Variants in NBEAL1 observed in about 807,000 individuals in gnomAD.
The protein encoded by NBEAL1 is neurobeachin like 1.
A neutral mutation model predicts 351.3 loss-of-function variants in NBEAL1; 273 were observed. The ratio of observed to expected loss-of-function variants is 0.78; its 90% CI spans 0.70 to 0.86. The LOEUF is 0.86. Ranked by LOEUF, NBEAL1 falls within the 40% of genes least tolerant of loss-of-function variation. NBEAL1 has a pLI of 0.00. For synonymous variants in NBEAL1, 1,050 were observed against 1,086.4 expected (o/e 0.97, Z 0.66); for missense variants, 2,961 against 3,201.3 (o/e 0.92, Z 1.81).
In NBEAL1 at chr2:203,193,830, A is replaced by G; in HGVS notation, c.6957A>G (p.Ala2319=). 6.2e-7 allele frequency: 1 copy of G among 1,612,288 alleles called. No homozygotes were observed. The highest frequency in any genetic ancestry group is 8.5e-7 in the Non-Finnish European group (1 of 1,179,024). ...CTCCAAGATTATCAGCAGAAGAAGCAGTGCAGAAGCCAACCAAAATAGACA... is the reference window on the plus strand; with the variant it reads ...CTCCAAGATTATCAGCAGAAGAAGCGGTGCAGAAGCCAACCAAAATAGACA... The part of the protein sequence containing the change: ...PHPPRLSAEE[A]VQKPTKIDTS... Residue 2319 remains alanine (A), a synonymous_variant, in exon 47 of 56, where the codon GCA becomes GCG. Transcript: ENST00000683969.
intron 2 of NBEAL1, among the ~76,000 whole-genome samples, chr2:203,034,006 T>G (rs2060996802): frequency 6.6e-6 from 1 of 152,206 alleles, no homozygotes; most frequent in Non-Finnish European, 1.5e-5. Flanking sequence ...TTTCAGTATT[T>G]TTCACAACTG....
chr2:203,072,845 G>A (rs1053490649), intron 7 of NBEAL1, among the ~76,000 whole-genome samples: 3 of 152,152 alleles, frequency 2.0e-5, no homozygotes, highest in Admixed American at 1.3e-4. Flanking sequence ...CTTTGTTGTA[G>A]TAGCACTCTA....
At chr2:203,204,579 C>A (rs1212730377) in intron 51 of NBEAL1, among the ~76,000 whole-genome samples, 1 of 152,076 alleles carries the variant, frequency 6.6e-6, no homozygotes, top group Non-Finnish European at 1.5e-5. Context: ...CTCAAGCGTT[C>A]TGCCCACCTT....
chr2:203,136,481 C>T (rs1575024483), intron 28 of NBEAL1, 118 bp from the exon 29 acceptor site: 1 of 826,894 alleles, frequency 1.2e-6, no homozygotes, highest in Non-Finnish European at 1.8e-6. Flanking sequence ...GTTCCAGGTT[C>T]ATTAAGGACT....
chr2:203,144,708 C>T lies in NBEAL1; in HGVS notation c.4957C>T (p.Gln1653Ter). 1 of 1,614,120 alleles carries T rather than the reference C, an allele frequency of 6.2e-7. No homozygotes were observed. The highest frequency in any genetic ancestry group is 8.5e-7 in the Non-Finnish European group (1 of 1,179,992). The change falls in exon 32 of 56, where the codon CAA (glutamine) becomes TAA (stop). Residue 1653 changes from glutamine (Q) to a stop codon, truncating the protein, a stop_gained. Coordinates refer to ENST00000683969, the MANE Select transcript of NBEAL1 (RefSeq NM_001378026.1). LOFTEE classifies it high-confidence loss of function. Reference protein sequence around the residue: ...ILGKLEHVLSQSIKEQTEIYS... With the variant: ...ILGKLEHVLS ...AGGGAAGCTGGAACATGTTCTAAGTCAATCAATCAAGGAACAGACTGAAAT... is the reference window on the plus strand; with the variant it reads ...AGGGAAGCTGGAACATGTTCTAAGTTAATCAATCAAGGAACAGACTGAAAT...
In NBEAL1 at chr2:203,129,453, A is replaced by C. The variant is rs186632743; in HGVS notation, c.3406-865A>C. ...ATGAGTTAATGCAGGCTGTTTCCCT[A>C]TAAGGTTGCCGCTCAAAAGCTTCTC... On this transcript the variant is annotated intron_variant, in intron 24 of 55. Transcript: ENST00000683969. Among the ~76,000 whole-genome samples the C allele has an allele frequency of 6.5e-4, 99 of 152,264 alleles. 1 individual carries two copies. Among genetic ancestry groups the C allele is most frequent in the African/African-American group, 2.2e-3 (93 of 41,566 alleles).
chr2:203,205,566 T>C (rs1471787965), intron 51 of NBEAL1, among the ~76,000 whole-genome samples: 3 of 152,348 alleles, frequency 2.0e-5, no homozygotes, highest in East Asian at 3.9e-4. Flanking sequence ...ATGTATTATG[T>C]TGAGAACTTT....
chr2:203,202,272 A>G (rs2065421572), intron 50 of NBEAL1, among the ~76,000 whole-genome samples: 2 of 152,240 alleles, frequency 1.3e-5, no homozygotes, highest in African/African-American at 4.8e-5. Flanking sequence ...TGTATTGTGA[A>G]TTTATAGTAT....
At chr2:203,151,694 G>A (rs1386130297) in intron 35 of NBEAL1, 105 bp downstream of exon 35, 12 of 1,101,582 alleles carry the variant, frequency 1.1e-5, no homozygotes, top group Non-Finnish European at 1.4e-5. Context: ...TATGAAGGAA[G>A]GGTGGCATTT....
chr2:203,038,239 T>G (rs1041020267), intron 2 of NBEAL1, among the ~76,000 whole-genome samples: 4 of 149,348 alleles, frequency 2.7e-5, no homozygotes, highest in Middle Eastern at 3.4e-3. Flanking sequence ...TATTCATTTA[T>G]CTGGGAGAGG....
chr2:203,160,285 C>T (rs1372133959), intron 36 of NBEAL1, among the ~76,000 whole-genome samples: 2 of 151,918 alleles, frequency 1.3e-5, no homozygotes, highest in Non-Finnish European at 2.9e-5. Context: ...TTTGCCATGT[C>T]GGCCAGGCTG....
At chr2:203,122,712 A>T (rs1411969480) in intron 19 of NBEAL1, among the ~76,000 whole-genome samples, 1 of 152,136 alleles carries the variant, frequency 6.6e-6, no homozygotes, top group Non-Finnish European at 1.5e-5. Context: ...CCTCATATTT[A>T]TGTCACAGCT....
At chr2:203,019,061 T>G (rs2060726582) in intron 2 of NBEAL1, among the ~76,000 whole-genome samples, 1 of 152,204 alleles carries the variant, frequency 6.6e-6, no homozygotes, top group South Asian at 2.1e-4. Context: ...TTGCTGTTTA[T>G]GTGTTGAAGA....
intron 18 of NBEAL1, among the ~76,000 whole-genome samples, chr2:203,119,418 C>CTG (rs1362082168): frequency 2.8e-5 from 2 of 71,526 alleles, no homozygotes; most frequent in African/African-American, 8.9e-5. Context: ...TGCATACGGC[C>CTG]TGTTGCTTTT....
At chr2:203,174,912 C>G (rs1214780676) in intron 41 of NBEAL1, among the ~76,000 whole-genome samples, 1 of 151,320 alleles carries the variant, frequency 6.6e-6, no homozygotes, top group Non-Finnish European at 1.5e-5. Flanking sequence ...AAAATGAAAA[C>G]TATTCCAGAA....
chr2:203,176,035 C>T (rs2064488188), intron 42 of NBEAL1, among the ~76,000 whole-genome samples: 1 of 152,184 alleles, frequency 6.6e-6, no homozygotes. Context: ...TAAACATCCC[C>T]AGATTTTACA....
chr2:203,114,558 A>G (rs563561189), intron 17 of NBEAL1, among the ~76,000 whole-genome samples: 2 of 152,134 alleles, frequency 1.3e-5, no homozygotes, highest in Non-Finnish European at 2.9e-5. Flanking sequence ...ATTGGATCCT[A>G]ACTACTTTCA....
Position 203,210,944 on chromosome 2 carries a change from T to G in NBEAL1, c.7786-14T>G, listed in dbSNP as rs2065770870. On this transcript the variant is annotated splice_polypyrimidine_tract_variant and intron_variant, in intron 53 of 55. Coordinates refer to ENST00000683969, the MANE Select transcript of NBEAL1 (RefSeq NM_001378026.1). ...TTTATTTGAAATTGTTGAATTTTCC[T>G]TAATTCTTTTCAGGATAAGAATGCA... is the stretch of plus-strand genomic sequence containing the variant. 6.6e-7 allele frequency: 1 copy of G among 1,524,800 alleles called. No individual in the cohort carries two copies. The highest frequency in any genetic ancestry group is 2.1e-5 in the Admixed American group (1 of 48,104). 94.5% of individuals were successfully genotyped at this position (1,524,800 alleles called of 1,614,324 possible). A position where few individuals can be genotyped will look rare whatever the true frequency, so the allele number is the denominator to read the frequency against.
At chr2:203,126,498 T>C in intron 21 of NBEAL1, 59 bp from the exon 22 acceptor site, 2 of 1,220,914 alleles carry the variant, frequency 1.6e-6, no homozygotes, top group Non-Finnish European at 1.1e-6. Context: ...TTTAAAATTA[T>C]AACTTAATGA....
Sources: gnomAD v4.1 joint callset for allele counts (sites outside exome capture counted in the v4.1 genomes callset) on GRCh38, gnomAD v4.1.1 for gene constraint, MANE v1.5 for transcripts, NCBI Gene and HGNC (gene_info 2026-07-23, HGNC 2026-07-21) for gene names.